The following FER variants were observed in gnomAD, a reference collection of about 807,000 sequenced individuals.
FER encodes tyrosine-protein kinase Fer.
Under a neutral mutation model 111.0 loss-of-function variants are expected in FER, and 63 were observed. That is an observed-to-expected ratio of 0.57 (90% CI 0.46 to 0.70). The LOEUF is 0.70. Ranked by LOEUF, FER falls within the 30% of genes least tolerant of loss-of-function variation. The probability of loss-of-function intolerance (pLI) is 0.00; values close to 1 mark genes in which losing one functional copy is unlikely to be tolerated. For missense variants in FER, 914 were observed against 954.0 expected (o/e 0.96, Z 0.55); for synonymous variants, 327 against 313.9 (o/e 1.04, Z -0.44).
At chr5:109,132,266 T>G (rs1401504384) in intron 17 of FER, among the ~76,000 whole-genome samples, 2 of 152,050 alleles carry the variant, frequency 1.3e-5, no homozygotes, top group Non-Finnish European at 2.9e-5. Flanking sequence ...TCTTTTTCCA[T>G]AAGAAAAATA....
chr5:109,160,469 C>A (rs1333424795), intron 17 of FER, among the ~76,000 whole-genome samples: 1 of 152,090 alleles, frequency 6.6e-6, no homozygotes, highest in African/African-American at 2.4e-5. Flanking sequence ...GAAGAAAATT[C>A]CTGTTCTGGA....
intron 3 of FER, among the ~76,000 whole-genome samples, chr5:108,823,238 T>C (rs1360409067): frequency 6.6e-6 from 1 of 152,210 alleles, no homozygotes; most frequent in East Asian, 1.9e-4. Context: ...AATATGACAA[T>C]GAACATGAGA....
chr5:109,128,611 C>A (rs892844500), intron 17 of FER, among the ~76,000 whole-genome samples: 3 of 152,106 alleles, frequency 2.0e-5, no homozygotes, highest in African/African-American at 7.2e-5. Flanking sequence ...TGTAGCAATG[C>A]AGAATGGGGA....
intron 13 of FER, among the ~76,000 whole-genome samples, chr5:108,978,832 G>A (rs1019024212): frequency 1.3e-5 from 2 of 152,162 alleles, no homozygotes; most frequent in African/African-American, 4.8e-5. Context: ...AAGGACGTGA[G>A]TGGCACTTAC....
At chr5:109,016,593 C>A (rs1374838299) in intron 13 of FER, among the ~76,000 whole-genome samples, 1 of 151,968 alleles carries the variant, frequency 6.6e-6, no homozygotes, top group Non-Finnish European at 1.5e-5. Flanking sequence ...AAAGCCATGA[C>A]CACAGATGTA....
intron 10 of FER, among the ~76,000 whole-genome samples, chr5:108,934,791 A>G (rs181364445): frequency 2.3e-4 from 35 of 152,258 alleles, no homozygotes; most frequent in Non-Finnish European, 4.3e-4. Flanking sequence ...GCTCTTGCTG[A>G]GAAAAAATAT....
intron 16 of FER, among the ~76,000 whole-genome samples, chr5:109,086,406 C>G (rs951861818): frequency 5.3e-5 from 8 of 151,618 alleles, no homozygotes; most frequent in Admixed American, 4.6e-4. Flanking sequence ...ATTGTGTTTT[C>G]TCCCCTTTTT....
At chr5:109,007,536 T>A (rs1370090304) in intron 13 of FER, among the ~76,000 whole-genome samples, 1 of 152,182 alleles carries the variant, frequency 6.6e-6, no homozygotes, top group Non-Finnish European at 1.5e-5. Flanking sequence ...TATGTGCTCT[T>A]TTCAATTTGA....
chr5:109,113,700 C>A (rs1749899368), intron 17 of FER, among the ~76,000 whole-genome samples: 2 of 152,038 alleles, frequency 1.3e-5, no homozygotes, highest in South Asian at 4.2e-4. Flanking sequence ...ATGCCTGGCG[C>A]ATAGTATGGC....
chr5:108,855,370 C>T (rs1247456446), intron 5 of FER, among the ~76,000 whole-genome samples: 3 of 151,868 alleles, frequency 2.0e-5, no homozygotes, highest in African/African-American at 4.8e-5. Context: ...CGGTGGCTCA[C>T]GCCTGTAATC....
intron 17 of FER, among the ~76,000 whole-genome samples, chr5:109,110,248 TAATC>T (rs1326473457): frequency 2.0e-4 from 30 of 152,222 alleles, no homozygotes; most frequent in Non-Finnish European, 2.2e-4. Context: ...TAAAAAATAA[TAATC>T]AAATATAAAA....
At chr5:109,145,194 G>A (rs1410763698) in intron 17 of FER, among the ~76,000 whole-genome samples, 1 of 151,924 alleles carries the variant, frequency 6.6e-6, no homozygotes, top group Non-Finnish European at 1.5e-5. Context: ...TAGCTCCAAT[G>A]TTGCACATGC....
intron 11 of FER, among the ~76,000 whole-genome samples, chr5:108,954,247 G>A (rs2149653031): frequency 6.6e-6 from 1 of 152,138 alleles, no homozygotes; most frequent in South Asian, 2.1e-4. Context: ...CAGCAGCAAG[G>A]CAGCATCAAA....
intron 2 of FER, among the ~76,000 whole-genome samples, chr5:108,773,144 G>T (rs1377617487): frequency 3.3e-5 from 5 of 152,248 alleles, no homozygotes; most frequent in Admixed American, 3.3e-4. Flanking sequence ...TTAGGAAGAG[G>T]TAGGGATAAC....
intron 5 of FER, 84 bp downstream of exon 5, chr5:108,835,891 T>C (rs1580790228): frequency 6.9e-6 from 5 of 720,030 alleles, no homozygotes; most frequent in East Asian, 2.9e-5. Context: ...AGTGGAATGA[T>C]TCCATTTAGA....
At chr5:108,999,413 T>C (rs1183098407) in intron 13 of FER, among the ~76,000 whole-genome samples, 2 of 152,190 alleles carry the variant, frequency 1.3e-5, no homozygotes, top group Non-Finnish European at 2.9e-5. Context: ...TTAAAATTTA[T>C]GGATGTAACA....
chr5:109,096,610 A>G (rs1163286702), intron 16 of FER, among the ~76,000 whole-genome samples: 2 of 151,826 alleles, frequency 1.3e-5, no homozygotes, highest in African/African-American at 4.8e-5. Flanking sequence ...TTCTCTCAAA[A>G]AATAGTTTCT....
intron 3 of FER, among the ~76,000 whole-genome samples, chr5:108,811,167 A>G (rs1257913642): frequency 6.6e-6 from 1 of 151,462 alleles, no homozygotes; most frequent in East Asian, 2.0e-4. Context: ...AGATCTGCCT[A>G]GGTGTGAAGT....
rs189736436 is a variant in FER at position 109,186,562 on chromosome 5, A to G, written c.2326+240A>G. 2.2e-4 allele frequency among the ~76,000 whole-genome samples: 34 copies of G among 152,282 alleles called. 1 individual carries two copies. In the East Asian group the frequency reaches 2.7e-3, roughly 12 times the overall value. The stretch of plus-strand genomic sequence containing the variant: ...TTCCACCCTTTCCCTGTCTGGCATG[A>G]CAGCTGCAGGATTGTGCTGTTCACT... On this transcript the variant is annotated intron_variant, in intron 19 of 19. Transcript: ENST00000281092.
Sources: allele counts gnomAD v4.1 joint callset (sites outside exome capture counted in the v4.1 genomes callset), GRCh38; gene constraint gnomAD v4.1.1; transcripts MANE v1.5; gene names NCBI Gene and HGNC (gene_info 2026-07-23, HGNC 2026-07-21).